The following SORCS2 variants were observed in gnomAD, a reference collection of about 807,000 sequenced individuals.
The protein encoded by SORCS2 is VPS10 domain-containing receptor SorCS2.
Under a neutral mutation model 141.6 loss-of-function variants are expected in SORCS2, and 100 were observed. The ratio of observed to expected loss-of-function variants is 0.71; its 90% CI spans 0.60 to 0.83. SORCS2 has a LOEUF of 0.83. Among genes scored for constraint, SORCS2 ranks in the 40% least tolerant of loss-of-function variants. The pLI, the probability that SORCS2 is intolerant of heterozygous loss-of-function variation, is 0.00. For missense variants in SORCS2, 1,646 were observed against 1,560.2 expected, an observed-to-expected ratio of 1.05 and a Z score of -0.93; for synonymous variants, 789 against 676.9, an observed-to-expected ratio of 1.17 and a Z score of -2.57.
At chr4:7,366,092 AGTGCCGG>A (rs1017852192) in intron 1 of SORCS2, among the ~76,000 whole-genome samples, 4 of 151,926 alleles carry the variant, frequency 2.6e-5, no homozygotes, top group African/African-American at 9.7e-5. Context: ...ATGCAGGAGG[AGTGCCGG>A]GGGGTGGGGG....
chr4:7,728,132 C>A (rs1476633938), intron 21 of SORCS2, among the ~76,000 whole-genome samples: 1 of 152,218 alleles, frequency 6.6e-6, no homozygotes, highest in Non-Finnish European at 1.5e-5. Flanking sequence ...GGACAGACCA[C>A]CACTGCTGGC....
At chr4:7,371,028 C>T (rs1019041961) in intron 1 of SORCS2, among the ~76,000 whole-genome samples, 5 of 152,152 alleles carry the variant, frequency 3.3e-5, no homozygotes, top group Non-Finnish European at 4.4e-5. Context: ...CCTTTCTCCC[C>T]GGCTCTCAGG....
intron 3 of SORCS2, among the ~76,000 whole-genome samples, chr4:7,562,327 C>CAAAA (rs10695685): frequency 1.3e-5 from 2 of 150,634 alleles, no homozygotes; most frequent in African/African-American, 4.9e-5. Context: ...GGCCCTGAGG[C>CAAAA]AAAAAAAAGG....
rs569713126 is a variant in SORCS2, at chr4:7,480,107, G to C, written c.549-51423G>C. Among the ~76,000 whole-genome samples, 29 of 152,346 alleles carry C rather than the reference G, an allele frequency of 1.9e-4. 1 individual carries two copies. The East Asian group carries it at 5.6e-3, about 29-fold the overall frequency. On this transcript the variant is annotated intron_variant, in intron 2 of 26. Transcript: ENST00000507866. ...GGCAGGAAGCCCCCTTCTGCGTGCT[G>C]CAGATGGGTCAGGGTGGGCCTGGAG... is the stretch of plus-strand genomic sequence containing the variant.
intron 2 of SORCS2, among the ~76,000 whole-genome samples, chr4:7,525,993 C>T (rs1733670601): frequency 7.1e-6 from 1 of 139,864 alleles, no homozygotes; most frequent in Admixed American, 7.0e-5. Context: ...ACACCTGTCC[C>T]CTGCAGTCAC....
chr4:7,703,126 G>T (rs1725186493), intron 12 of SORCS2, among the ~76,000 whole-genome samples, 154 bp from the exon 13 acceptor site: 1 of 152,158 alleles, frequency 6.6e-6, no homozygotes, highest in African/African-American at 2.4e-5. Flanking sequence ...CTCGGGGATG[G>T]CCCGGGACAT....
rs746567691 is a variant in SORCS2, at chr4:7,689,514, G to A, written c.1517G>A (p.Arg506His). The stretch of plus-strand genomic sequence containing the variant: ...GACTGCCACCTGCACCTGCACCTGC[G>A]CTGGGCAGACAACCCCTACGTATCA... ...PPDCHLHLHL[R>H]WADNPYVSGT... Residue 506 changes from arginine (R) to histidine (H), a missense_variant, in exon 11 of 27, where the codon CGC becomes CAC. Arg to His is a conservative substitution (Grantham distance 29). Transcript: ENST00000507866. 20 of 1,605,278 alleles carry A rather than the reference G, an allele frequency of 1.2e-5. No homozygotes were observed. Among genetic ancestry groups the A allele is most frequent in the East Asian group, 6.7e-5 (3 of 44,488 alleles).
chr4:7,403,999 T>TATATA (rs57250297), intron 2 of SORCS2, among the ~76,000 whole-genome samples: 46 of 7,480 alleles, frequency 6.1e-3, no homozygotes, highest in African/African-American at 0.014. Flanking sequence ...ATATATATAT[T>TATATA]TTTTTTTTTT....
chr4:7,471,996 G>C (rs576393194), intron 2 of SORCS2, among the ~76,000 whole-genome samples: 1 of 152,344 alleles, frequency 6.6e-6, no homozygotes, highest in East Asian at 1.9e-4. Flanking sequence ...ACCCGATTCA[G>C]CGGCATCATT....
chr4:7,286,849 T>C lies in SORCS2; in HGVS notation c.480+93723T>C, dbSNP rs1035540324. ...GCTGCTTTTCAGGGTACAGGAGCTA[T>C]GGAAGGTCCCAAGAGGAAAGTGTCC... On this transcript the variant is annotated intron_variant, in intron 1 of 26. Coordinates refer to ENST00000507866, the MANE Select transcript of SORCS2 (RefSeq NM_020777.3). This position sits in a 1 kb window ranked among gnomAD's most constrained non-coding sequence, Gnocchi z 4.1. Among the ~76,000 whole-genome samples, 2 of 152,172 alleles carry C rather than the reference T, an allele frequency of 1.3e-5. No homozygotes were observed. The highest frequency in any genetic ancestry group is 4.8e-5 in the African/African-American group (2 of 41,446).
At chr4:7,668,703 T>G (rs1190741373) in intron 8 of SORCS2, among the ~76,000 whole-genome samples, 1 of 152,238 alleles carries the variant, frequency 6.6e-6, no homozygotes, top group East Asian at 1.9e-4. Flanking sequence ...GCTGAGTATG[T>G]AAATTAAAAG....
At chr4:7,355,042 T>A (rs1721165458) in intron 1 of SORCS2, among the ~76,000 whole-genome samples, 1 of 152,200 alleles carries the variant, frequency 6.6e-6, no homozygotes, top group Non-Finnish European at 1.5e-5. Context: ...CCCCACATTT[T>A]ACTGACAACA....
chr4:7,735,301 A>C (rs989332231), intron 25 of SORCS2: 19 of 154,390 alleles, frequency 1.2e-4, no homozygotes, highest in African/African-American at 4.6e-4. Context: ...CCCTTCCCCG[A>C]TGCCAAGCCC....
Position 7,387,963 on chromosome 4 carries a change from C to T in SORCS2, c.481-8325C>T, listed in dbSNP as rs796113227. Reference sequence around the variant, plus strand: ...ATACACATACACACATGCACACACACACAGATACACAGAGATACACATGCA... The same window carrying T: ...ATACACATACACACATGCACACACATACAGATACACAGAGATACACATGCA... On this transcript the variant is annotated intron_variant, in intron 1 of 26. Coordinates refer to ENST00000507866, the MANE Select transcript of SORCS2 (RefSeq NM_020777.3). Among the ~76,000 whole-genome samples, 778 of 78,948 alleles carry T rather than the reference C, an allele frequency of 9.9e-3. 11 individuals carry two copies. The highest frequency in any genetic ancestry group is 0.041 in the African/African-American group (732 of 17,912). The allele number at this position is 78,948 out of a possible 152,430, so 51.8% of individuals were successfully genotyped here. A position where few individuals can be genotyped will look rare whatever the true frequency, so the allele number is the denominator to read the frequency against.
chr4:7,525,758 TGCAATCACCTGTCCCCTCCTG>T, intron 2 of SORCS2, among the ~76,000 whole-genome samples: 1 of 105,350 alleles, frequency 9.5e-6, no homozygotes, highest in African/African-American at 4.1e-5. Context: ...TGTGCCCTCC[TGCAATCACCTGTCCCCTCCTG>T]CAGTCACCTG....
chr4:7,192,750 CGCTCCTGCTGCTGCT>C lies in SORCS2; in HGVS notation c.108_122del (p.Leu39_Leu43del). ...CCGCCGCGCTCGCCGCGCTCGCGGC[CGCTCCTGCTGCTGCT>C]GCTGCTGCTGGGCGCCTGCGGGGCG... On this transcript the variant is annotated inframe_deletion, in exon 1 of 27. Coordinates refer to ENST00000507866, the MANE Select transcript of SORCS2 (RefSeq NM_020777.3). This position sits in a 1 kb window ranked among gnomAD's most constrained non-coding sequence, Gnocchi z 4.0. The C allele has an allele frequency of 2.0e-6, 2 of 998,086 alleles. No individual in the cohort carries two copies. The highest frequency in any genetic ancestry group is 2.4e-6 in the Non-Finnish European group (2 of 840,308). 61.8% of individuals were successfully genotyped at this position (998,086 alleles called of 1,614,324 possible).
chr4:7,500,850 T>G (rs1172740231), intron 2 of SORCS2, among the ~76,000 whole-genome samples: 1 of 152,200 alleles, frequency 6.6e-6, no homozygotes, highest in East Asian at 1.9e-4. Flanking sequence ...CTCACCTCGA[T>G]GCTGGGAGCC....
intron 1 of SORCS2, among the ~76,000 whole-genome samples, chr4:7,333,636 A>C (rs1719800803): frequency 6.6e-6 from 1 of 152,040 alleles, no homozygotes; most frequent in Admixed American, 6.5e-5. Context: ...CAGGCCCCTG[A>C]CTGCGTGTGC....
Position 7,734,320 on chromosome 4 carries a change from T to C in SORCS2, c.3257T>C (p.Leu1086Pro). Residue 1086 changes from leucine to proline, a missense_variant, in exon 25 of 27, where the codon CTG becomes CCG. Coordinates refer to ENST00000507866, the MANE Select transcript of SORCS2 (RefSeq NM_020777.3). ...GGCGGCTACTGGGCGGTAGTGGTGC[T>C]GTTTGTCATCGGGCTCTTCGCAGCG... ...GGGGYWAVVV[L>P]FVIGLFAAGA... is the part of the protein sequence containing the mutation. The C allele has an allele frequency of 6.2e-7, 1 of 1,602,040 alleles. No individual in the cohort carries two copies. Among genetic ancestry groups the C allele is most frequent in the Non-Finnish European group, 8.5e-7 (1 of 1,175,082 alleles).
Sources: gnomAD v4.1 joint callset for allele counts (sites outside exome capture counted in the v4.1 genomes callset) on GRCh38, gnomAD v4.1.1 for gene constraint, Gnocchi (gnomAD v3.1) non-coding constraint, MANE v1.5 for transcripts, NCBI Gene and HGNC (gene_info 2026-07-23, HGNC 2026-07-21) for gene names.